PPEF1: variants seen among roughly 807,000 people sequenced by gnomAD.
PPEF1 encodes the protein serine/threonine-protein phosphatase with EF-hands 1.
Under a neutral mutation model 53.3 loss-of-function variants are expected in PPEF1, and 12 were observed. That is an observed-to-expected ratio of 0.23 (90% confidence interval 0.14 to 0.36). The LOEUF is 0.36. PPEF1 is among the 10% of genes least tolerant of loss of function. The pLI, the probability that PPEF1 is intolerant of heterozygous loss-of-function variation, is 1.00. For synonymous variants in PPEF1, 165 were observed against 176.7 expected, an observed-to-expected ratio of 0.93 and a Z score of 0.52; for missense variants, 334 against 490.4, an observed-to-expected ratio of 0.68 and a Z score of 3.01.
intron 4 of PPEF1, among the ~76,000 whole-genome samples, chrX:18,751,789 A>G (rs1030104807): frequency 8.9e-6 from 1 of 112,175 alleles, no homozygotes; most frequent in African/African-American, 3.2e-5. Flanking sequence ...CAAAAAAACA[A>G]ACAAATAAAA....
chrX:18,704,393 G>T (rs1363632607), upstream of PPEF1, among the ~76,000 whole-genome samples: 1 of 111,044 alleles, frequency 9.0e-6, no homozygotes, highest in Non-Finnish European at 1.9e-5. Flanking sequence ...GTATTCCAAG[G>T]CACTGGACTT....
upstream of PPEF1, among the ~76,000 whole-genome samples, chrX:18,703,209 C>T (rs1008167879): frequency 9.0e-6 from 1 of 111,080 alleles, no homozygotes; most frequent in African/African-American, 3.3e-5. Context: ...CTTGCTTTAA[C>T]CAGCTCATAT....
At chrX:18,741,518 C>G (rs1376736811) in intron 3 of PPEF1, among the ~76,000 whole-genome samples, 2 of 111,563 alleles carry the variant, frequency 1.8e-5, no homozygotes, top group African/African-American at 6.5e-5. Context: ...GTATACATTA[C>G]AGGAAGGTAT....
intron 1 of PPEF1, among the ~76,000 whole-genome samples, chrX:18,677,035 C>CTTTTT (rs763530257): frequency 1.1e-5 from 1 of 90,047 alleles, no homozygotes; most frequent in Non-Finnish European, 2.2e-5. Flanking sequence ...TCATCACAAT[C>CTTTTT]TTTTTTTTTT....
intron 1 of PPEF1, among the ~76,000 whole-genome samples, chrX:18,713,285 C>G (rs2044368223): frequency 9.0e-6 from 1 of 111,167 alleles, no homozygotes; most frequent in Admixed American, 9.6e-5. Context: ...ATTACTTATT[C>G]TGTCTCTTGT....
Position 18,713,420 on chromosome X carries a change from C to CTTTTTTTTTTTTTTTTTTTTTTTT in PPEF1, c.46+5612_46+5613insTTTTTTTTTTTTTTTTTTTTTTTT, listed in dbSNP as rs55997147. On this transcript the variant is annotated intron_variant, in intron 1 of 15. Coordinates refer to ENST00000470157, the MANE Select transcript of PPEF1 (RefSeq NM_001377996.1). Reference sequence around the variant, plus strand: ...TTGTTCAGAGTATTCCCTTAAAATTCTTTTTTTTTTTTTTTTTTCTTTACT... The same window carrying CTTTTTTTTTTTTTTTTTTTTTTTT: ...TTGTTCAGAGTATTCCCTTAAAATTCTTTTTTTTTTTTTTTTTTTTTTTTTTTTTTTTTTTTTTTTTTCTTTACT... 2.2e-4 allele frequency among the ~76,000 whole-genome samples: 17 copies of CTTTTTTTTTTTTTTTTTTTTTTTT among 77,519 alleles called. 1 individual carries two copies. Among genetic ancestry groups the CTTTTTTTTTTTTTTTTTTTTTTTT allele is most frequent in the African/African-American group, 5.9e-4 (12 of 20,302 alleles). 67.3% of individuals were successfully genotyped at this position (77,519 alleles called of 115,157 possible).
intron 6 of PPEF1, among the ~76,000 whole-genome samples, chrX:18,777,529 T>A (rs140770645): frequency 0.019 from 2,116 of 111,228 alleles, 62 homozygotes; most frequent in African/African-American, 0.066. Context: ...TCTTTTTTTT[T>A]CCTCTTTTGA....
At chrX:18,760,824 G>A (rs2147505345) in intron 5 of PPEF1, among the ~76,000 whole-genome samples, 1 of 96,710 alleles carries the variant, frequency 1.0e-5, no homozygotes, top group Admixed American at 1.2e-4. Flanking sequence ...CTGTCACCCA[G>A]GCTGGAGTGC....
intron 6 of PPEF1, among the ~76,000 whole-genome samples, chrX:18,766,289 T>C (rs2045771977): frequency 9.0e-6 from 1 of 110,637 alleles, no homozygotes; most frequent in East Asian, 2.8e-4. Context: ...TGATCTCTGA[T>C]TTACCAAAGT....
chrX:18,811,587 G>GTGTATA (rs1457637798), intron 12 of PPEF1, among the ~76,000 whole-genome samples: 4 of 43,984 alleles, frequency 9.1e-5, no homozygotes, highest in Non-Finnish European at 4.3e-5. Context: ...CACTTATTCA[G>GTGTATA]TATATATATA....
At chrX:18,774,928 A>G (rs2045936666) in intron 6 of PPEF1, among the ~76,000 whole-genome samples, 1 of 111,251 alleles carries the variant, frequency 9.0e-6, no homozygotes, top group South Asian at 3.7e-4. Context: ...TCGTGTTTCA[A>G]GCTTCAAATT....
Position 18,808,568 on chromosome X carries a change from A to G in PPEF1, c.1394+2023A>G, listed in dbSNP as rs765967856. 4.6e-5 allele frequency among the ~76,000 whole-genome samples: 5 copies of G among 108,096 alleles called. No individual in the cohort carries two copies. The South Asian group carries it at 1.9e-3, about 42-fold the overall frequency. 93.9% of individuals were successfully genotyped at this position (108,096 alleles called of 115,157 possible). On this transcript the variant is annotated intron_variant, in intron 12 of 15. Coordinates refer to ENST00000470157, the MANE Select transcript of PPEF1 (RefSeq NM_001377996.1). ...ACTCAACAGCAAAAAAAAAAAAACCAAGTAATCCAATTTAAAAAATAGGCA... is the reference window on the plus strand; with the variant it reads ...ACTCAACAGCAAAAAAAAAAAAACCGAGTAATCCAATTTAAAAAATAGGCA...
chrX:18,683,977 C>G (rs1569238372), intron 1 of PPEF1, among the ~76,000 whole-genome samples: 1 of 112,043 alleles, frequency 8.9e-6, no homozygotes, highest in Non-Finnish European at 1.9e-5. Context: ...GTAGAAGTTT[C>G]AGTTATATGA....
chrX:18,759,723 A>G (rs1188469589), intron 5 of PPEF1, among the ~76,000 whole-genome samples: 1 of 112,099 alleles, frequency 8.9e-6, no homozygotes, highest in Non-Finnish European at 1.9e-5. Flanking sequence ...ATAATATTAT[A>G]GTAGTATTTT....
chrX:18,707,557 C>T (rs1023324280), upstream of PPEF1: 10 of 378,222 alleles, frequency 2.6e-5, no homozygotes, highest in South Asian at 5.3e-5. Flanking sequence ...TGATGAACAG[C>T]GATTCAGAAG....
chrX:18,681,106 A>G (rs1928869150), upstream of PPEF1, among the ~76,000 whole-genome samples: 1 of 111,308 alleles, frequency 9.0e-6, no homozygotes, highest in Admixed American at 9.5e-5. Context: ...TAGCAGCATG[A>G]TTTGTAATCC....
At chrX:18,687,304 A>G (rs1046144388) in intron 3 of PPEF1, among the ~76,000 whole-genome samples, 2 of 111,107 alleles carry the variant, frequency 1.8e-5, no homozygotes, top group African/African-American at 6.5e-5. Flanking sequence ...CAGGGGGAGA[A>G]TGGACAGTAA....
intron 12 of PPEF1, among the ~76,000 whole-genome samples, chrX:18,817,150 T>C (rs1163344784): frequency 9.1e-6 from 1 of 109,382 alleles, no homozygotes; most frequent in Non-Finnish European, 1.9e-5. Context: ...TAATTATATG[T>C]ATGTGTGTGA....
At chrX:18,739,742 A>G (rs952640053) in intron 3 of PPEF1, among the ~76,000 whole-genome samples, 12 of 112,416 alleles carry the variant, frequency 1.1e-4, no homozygotes, top group East Asian at 2.8e-4. Flanking sequence ...GGTGGCGTCT[A>G]TAGAGGCAGG....
Sources: gnomAD v4.1 joint callset for allele counts (sites outside exome capture counted in the v4.1 genomes callset) on GRCh38, gnomAD v4.1.1 for gene constraint, MANE v1.5 for transcripts, NCBI Gene and HGNC (gene_info 2026-07-23, HGNC 2026-07-21) for gene names.